The following TBC1D5 variants were observed in gnomAD, a reference collection of about 807,000 sequenced individuals.
TBC1D5 encodes TBC1 domain family, member 5.
Under a neutral mutation model 100.3 loss-of-function variants are expected in TBC1D5, and 75 were observed. That is an observed-to-expected ratio of 0.75 (90% CI 0.62 to 0.91). The LOEUF is 0.91. TBC1D5 is among the 40% of genes least tolerant of loss of function. The pLI is 0.00. For missense variants in TBC1D5, 910 were observed against 942.4 expected (o/e 0.97, Z 0.45); for synonymous variants, 323 against 325.6 (o/e 0.99, Z 0.09).
At chr3:17,416,371 CA>C (rs1449334486) in intron 4 of TBC1D5, among the ~76,000 whole-genome samples, 1 of 152,120 alleles carries the variant, frequency 6.6e-6, no homozygotes, top group Non-Finnish European at 1.5e-5. Context: ...AATTGAAATC[CA>C]AATTTAAATA....
intron 2 of TBC1D5, among the ~76,000 whole-genome samples, chr3:17,581,939 C>T (rs532698715): frequency 6.6e-6 from 1 of 152,300 alleles, no homozygotes; most frequent in South Asian, 2.1e-4. Flanking sequence ...CTTCGTACTT[C>T]GTGATCCTTC....
At chr3:17,325,268 TAAA>T (rs35243838) in intron 13 of TBC1D5, among the ~76,000 whole-genome samples, 15 of 127,796 alleles carry the variant, frequency 1.2e-4, no homozygotes, top group Non-Finnish European at 1.6e-4. Flanking sequence ...AGTACTCAGT[TAAA>T]AAAAAAAAAA....
At chr3:17,678,591 T>C (rs1046577749) in intron 1 of TBC1D5, among the ~76,000 whole-genome samples, 3 of 142,374 alleles carry the variant, frequency 2.1e-5, no homozygotes, top group Non-Finnish European at 3.0e-5. Flanking sequence ...AATCAGGCAA[T>C]GACTCAACCT....
intron 2 of TBC1D5, among the ~76,000 whole-genome samples, chr3:17,571,847 T>C (rs993513555): frequency 6.6e-6 from 1 of 152,092 alleles, no homozygotes; most frequent in Non-Finnish European, 1.5e-5. Context: ...GCTGACAATA[T>C]ACAGCTTTCA....
intron 13 of TBC1D5, 105 bp downstream of exon 13, chr3:17,371,970 G>A (rs73156314): frequency 0.034 from 37,226 of 1,108,844 alleles, 2,436 homozygotes; most frequent in African/African-American, 0.26. Context: ...CCAGGGGGCA[G>A]AGTTTGCAGT....
intron 13 of TBC1D5, among the ~76,000 whole-genome samples, chr3:17,357,531 T>C (rs761381717): frequency 3.3e-5 from 5 of 152,060 alleles, no homozygotes; most frequent in Non-Finnish European, 4.4e-5. Flanking sequence ...AAAAGGGAGT[T>C]ACTTATAGAT....
rs150593232 is a variant in TBC1D5, at chr3:17,728,178, G to A, written c.-101+11165C>T. Among the ~76,000 whole-genome samples the A allele has an allele frequency of 2.6e-4, 39 of 152,232 alleles. No individual in the cohort carries two copies. The East Asian group carries it at 5.2e-3, about 20-fold the overall frequency. ...AACCAAAGTCAGCACAATGTTTAACGGAGCAATATTTGAAACATTGCCATT... is the reference window on the plus strand; with the variant it reads ...AACCAAAGTCAGCACAATGTTTAACAGAGCAATATTTGAAACATTGCCATT... On this transcript the variant is annotated intron_variant, in intron 1 of 21. Coordinates refer to ENST00000253692, the Ensembl canonical transcript of TBC1D5.
At chr3:17,543,548 G>T (rs1294768549) in intron 2 of TBC1D5, among the ~76,000 whole-genome samples, 8 of 152,116 alleles carry the variant, frequency 5.3e-5, no homozygotes, top group African/African-American at 1.9e-4. Flanking sequence ...AAAGGTGGGA[G>T]GACTGATTGA....
rs541883361 is a variant in TBC1D5, at chr3:17,200,010, G to C, written c.1752+14197C>G. 1.2e-4 allele frequency among the ~76,000 whole-genome samples: 18 copies of C among 152,284 alleles called. 1 individual carries two copies. The highest frequency in any genetic ancestry group is 9.8e-4 in the Admixed American group (15 of 15,292). On this transcript the variant is annotated intron_variant, in intron 18 of 21. Transcript: ENST00000253692. ...TCTAGTCTTGGGTCTATGAACAACT[G>C]ATGAGCTAGAGAGGGGAAAGGAGGG...
At chr3:17,518,088 C>G (rs1326327603) in intron 2 of TBC1D5, among the ~76,000 whole-genome samples, 1 of 152,028 alleles carries the variant, frequency 6.6e-6, no homozygotes, top group Non-Finnish European at 1.5e-5. Flanking sequence ...CTGATCTCAG[C>G]TAAATAAAAA....
chr3:17,707,855 GA>G (rs1273534981), intron 1 of TBC1D5, among the ~76,000 whole-genome samples: 104 of 152,094 alleles, frequency 6.8e-4, no homozygotes, highest in Non-Finnish European at 1.5e-3. Flanking sequence ...CCAAGTACCA[GA>G]AAAAATTCAT....
At chr3:17,188,444 G>C (rs993995700) in intron 18 of TBC1D5, among the ~76,000 whole-genome samples, 17 of 152,058 alleles carry the variant, frequency 1.1e-4, no homozygotes, top group Non-Finnish European at 2.1e-4. Context: ...TTTTTCAAAG[G>C]GATGGTTATA....
intron 4 of TBC1D5, among the ~76,000 whole-genome samples, chr3:17,408,464 C>T (rs2093833248): frequency 6.6e-6 from 1 of 152,010 alleles, no homozygotes; most frequent in African/African-American, 2.4e-5. Context: ...GGAGGGACCA[C>T]AGGCACACAC....
At chr3:17,408,470 C>T (rs576817350) in intron 4 of TBC1D5, among the ~76,000 whole-genome samples, 7 of 152,140 alleles carry the variant, frequency 4.6e-5, no homozygotes, top group African/African-American at 1.7e-4. Flanking sequence ...ACCACAGGCA[C>T]ACACCATCAC....
chr3:17,297,239 C>A (rs1045423172), intron 14 of TBC1D5, among the ~76,000 whole-genome samples: 1 of 152,218 alleles, frequency 6.6e-6, no homozygotes, highest in Non-Finnish European at 1.5e-5. Context: ...CCTTCTCTAA[C>A]TCCTTATCGA....
chr3:17,727,637 TGA>T (rs1353842808), intron 1 of TBC1D5, among the ~76,000 whole-genome samples: 1 of 151,876 alleles, frequency 6.6e-6, no homozygotes, highest in African/African-American at 2.4e-5. Flanking sequence ...ATCCAAGAAA[TGA>T]GAGAAATTTA....
Position 17,533,123 on chromosome 3 carries a change from A to C in TBC1D5, c.-35-24518T>G, listed in dbSNP as rs563749967. 2.0e-5 allele frequency among the ~76,000 whole-genome samples: 3 copies of C among 151,918 alleles called. No individual in the cohort carries two copies. In the East Asian group the frequency reaches 5.8e-4, roughly 29 times the overall value. On this transcript the variant is annotated intron_variant, in intron 2 of 21. Coordinates refer to ENST00000253692, the Ensembl canonical transcript of TBC1D5. ...CACACACACTTCCAATTAGTTACCT[A>C]AACTATTAAATATTCTCAGATATAA...
At chr3:17,661,603 C>T (rs554605509) in intron 1 of TBC1D5, among the ~76,000 whole-genome samples, 2 of 151,290 alleles carry the variant, frequency 1.3e-5, no homozygotes, top group African/African-American at 2.4e-5. Flanking sequence ...CAGGTTCAAG[C>T]GATTCCCCTG....
chr3:17,386,808 C>T (rs949926058), intron 8 of TBC1D5, among the ~76,000 whole-genome samples: 11 of 152,104 alleles, frequency 7.2e-5, no homozygotes, highest in African/African-American at 2.7e-4. Flanking sequence ...AAATTTAATT[C>T]GGCTGAAGTT....
Sources: allele counts gnomAD v4.1 joint callset (sites outside exome capture counted in the v4.1 genomes callset), GRCh38; gene constraint gnomAD v4.1.1; transcripts MANE v1.5; gene names NCBI Gene and HGNC (gene_info 2026-07-23, HGNC 2026-07-21).